Variants in AQP12A observed in about 807,000 individuals in gnomAD.
AQP12A encodes putative aquaporin-12A.
AQP12A carries 11 observed loss-of-function variants against 12.2 expected under a neutral mutation model. That is an observed-to-expected ratio of 0.90 (90% CI 0.57 to 1.49). AQP12A has a LOEUF of 1.49. AQP12A is among the 40% of genes most tolerant of loss of function. The pLI is 0.00. For synonymous variants in AQP12A, 101 were observed against 127.1 expected (o/e 0.79, Z 1.38); for missense variants, 203 against 260.8 (o/e 0.78, Z 1.53).
At chr2:240,693,091 C>T (rs1429569323) in intron 2 of AQP12A, among the ~76,000 whole-genome samples, 1 of 152,158 alleles carries the variant, frequency 6.6e-6, no homozygotes, top group Non-Finnish European at 1.5e-5. Context: ...CCCCTCCGAG[C>T]GCTAGGCTCC....
At position 240,691,867 on chromosome 2, in the gene AQP12A, T is replaced by C; in HGVS notation, c.-47T>C. On this transcript the variant is annotated 5_prime_UTR_variant, in exon 1 of 4. Transcript: ENST00000337801. ...TGGGAACCAGCCAGCTCCTGCTCTG[T>C]CCCCTCAGGTGTCCTGCAGGCACAG... 6.3e-7 allele frequency: 1 copy of C among 1,586,418 alleles called. No homozygotes were observed. The highest frequency in any genetic ancestry group is 8.6e-7 in the Non-Finnish European group (1 of 1,168,024).
In AQP12A at chr2:240,692,262, G is replaced by C. The variant is rs778829127; in HGVS notation, c.312G>C (p.Ala104=). The C allele has an allele frequency of 1.9e-6, 3 of 1,578,642 alleles. No homozygotes were observed. The highest frequency in any genetic ancestry group is 2.0e-4 in the Middle Eastern group (1 of 5,124). The change falls in exon 2 of 4, where the codon GCG becomes GCC. Residue 104 remains alanine, a synonymous_variant. Coordinates refer to ENST00000337801, the MANE Select transcript of AQP12A (RefSeq NM_198998.3). ...TGCCTGGCACGCTGTTGAAGCTGGC[G>C]GCACAGGGGCTGGGCATGCAGGCCG... ...QSLPGTLLKL[A]AQGLGMQAAC...
chr2:240,693,705 C>T (rs1468435393), intron 2 of AQP12A, among the ~76,000 whole-genome samples: 5 of 152,106 alleles, frequency 3.3e-5, no homozygotes, highest in South Asian at 4.2e-4. Flanking sequence ...GACAGCGGCC[C>T]GGCTGCCGCC....
At position 240,691,966 on chromosome 2, in the gene AQP12A, G is replaced by A. The variant is rs769132099; in HGVS notation, c.53G>A (p.Cys18Tyr). Reference protein sequence around the residue: ...LSFFFATFALCEAARRASKAL... With the variant: ...LSFFFATFALYEAARRASKAL... ...TTCTTCTTTGCCACCTTCGCCCTCT[G>A]TGAGGCGGCCAGGCGGGCCTCCAAG... Residue 18 changes from cysteine (C) to tyrosine (Y), a missense_variant, in exon 1 of 4, where the codon TGT becomes TAT. Cys to Tyr is a radical substitution (Grantham distance 194). Around this residue, in one of 2 missense-constraint regions of AQP12A, gnomAD observed 191 missense variants for 197.1 expected, o/e 0.97. Transcript: ENST00000337801. 1 of 1,589,744 alleles carries A rather than the reference G, an allele frequency of 6.3e-7. No homozygotes were observed. The highest frequency in any genetic ancestry group is 1.9e-5 in the Admixed American group (1 of 53,592).
chr2:240,693,913 C>T (rs1195210663), intron 2 of AQP12A, among the ~76,000 whole-genome samples: 122 of 42,712 alleles, frequency 2.9e-3, no homozygotes, highest in Middle Eastern at 0.014. Context: ...CTCTGTCTCT[C>T]CTCTCTCTCT....
Position 240,692,227 on chromosome 2 carries a change from G to C in AQP12A, c.277G>C (p.Glu93Gln), listed in dbSNP as rs200267757. 3 of 1,579,256 alleles carry C rather than the reference G, an allele frequency of 1.9e-6. No individual in the cohort carries two copies. In the Admixed American group the frequency reaches 5.7e-5, roughly 30 times the overall value. ...TVSLQEFLMA[E>Q]QSLPGTLLKL... ...GTCCCTGCAGGAGTTCCTCATGGCCGAGCAGTCTCTGCCTGGCACGCTGTT... is the reference window on the plus strand; with the variant it reads ...GTCCCTGCAGGAGTTCCTCATGGCCCAGCAGTCTCTGCCTGGCACGCTGTT... Residue 93 changes from glutamate (E) to glutamine (Q), a missense_variant, in exon 2 of 4, where the codon GAG (glutamate) becomes CAG (glutamine). By Grantham distance (29) the Glu-to-Gln change is conservative. Coordinates refer to ENST00000337801, the MANE Select transcript of AQP12A (RefSeq NM_198998.3).
rs1265691209 is a variant in AQP12A, at chr2:240,692,224, G to A, written c.274G>A (p.Ala92Thr). 7.0e-6 allele frequency: 11 copies of A among 1,579,424 alleles called. 2 individuals are homozygous for A. Among genetic ancestry groups the A allele is most frequent in the Non-Finnish European group, 9.4e-6 (11 of 1,167,654 alleles). ...TGTGTCCCTGCAGGAGTTCCTCATG[G>A]CCGAGCAGTCTCTGCCTGGCACGCT... is the stretch of plus-strand genomic sequence containing the variant. ...PTVSLQEFLM[A>T]EQSLPGTLLK... Residue 92 changes from alanine (A) to threonine (T), a missense_variant, in exon 2 of 4, where the codon GCC becomes ACC. Around this residue, in one of 2 missense-constraint regions of AQP12A, gnomAD observed 191 missense variants for 197.1 expected, o/e 0.97. Coordinates refer to ENST00000337801, the MANE Select transcript of AQP12A (RefSeq NM_198998.3).
chr2:240,694,150 T>C (rs2044097747), intron 2 of AQP12A, among the ~76,000 whole-genome samples: 1 of 75,370 alleles, frequency 1.3e-5, no homozygotes, highest in South Asian at 6.3e-4. Context: ...GAGGGCAGCA[T>C]GGGCGGGGCA....
chr2:240,692,140 C>T lies in AQP12A; in HGVS notation c.190C>T (p.Leu64Phe), dbSNP rs1171849254. The T allele has an allele frequency of 4.4e-6, 7 of 1,583,314 alleles. 2 individuals are homozygous for T. In the South Asian group the frequency reaches 6.8e-5, roughly 15 times the overall value. ...DFGPDLLLTLLFLLFLAHGVT... is the reference protein window; with the variant it reads ...DFGPDLLLTLFFLLFLAHGVT... The stretch of plus-strand genomic sequence containing the variant: ...TGGGCCTGACCTGCTGCTCACCCTG[C>T]TCTTCCTGCTCTTCCTGGCGCACGG... Residue 64 changes from leucine to phenylalanine, a missense_variant, in exon 2 of 4, where the codon CTC (leucine) becomes TTC (phenylalanine). Around this residue, in one of 2 missense-constraint regions of AQP12A, gnomAD observed 191 missense variants for 197.1 expected, o/e 0.97. Transcript: ENST00000337801.
At chr2:240,692,887 C>T (rs1461618535) in intron 2 of AQP12A, among the ~76,000 whole-genome samples, 1,531 of 145,290 alleles carry the variant, frequency 0.011, no homozygotes, top group African/African-American at 0.04. Flanking sequence ...CACCCTCTAT[C>T]ACCCCTTCCA....
rs183808728 is a variant in AQP12A at position 240,691,976 on chromosome 2, C to T, written c.63C>T (p.Ala21=). The part of the protein sequence containing the change: ...FFATFALCEA[A]RRASKALLPV... ...CCACCTTCGCCCTCTGTGAGGCGGC[C>T]AGGCGGGCCTCCAAGGCCCTGCTCC... Residue 21 remains alanine, a synonymous_variant, in exon 1 of 4, where the codon GCC becomes GCT. Transcript: ENST00000337801. 1,180 of 1,588,716 alleles carry T rather than the reference C, an allele frequency of 7.4e-4. 239 individuals are homozygous for T. The East Asian group carries it at 0.027, about 37-fold the overall frequency.
chr2:240,692,046 G>A lies in AQP12A; in HGVS notation c.123+10G>A. The A allele has an allele frequency of 1.3e-6, 2 of 1,565,734 alleles. No individual in the cohort carries two copies. The highest frequency in any genetic ancestry group is 1.7e-6 in the Non-Finnish European group (2 of 1,162,596). ...CTTCGCCCGGGAGGCGGTGGGTGCG[G>A]GTGCAGCTCGGGCCCTGCTGCCTGG... On this transcript the variant is annotated intron_variant, in intron 1 of 3. Transcript: ENST00000337801.
In AQP12A at chr2:240,692,122, G is replaced by C; in HGVS notation, c.172G>C (p.Asp58His). 6.3e-7 allele frequency: 1 copy of C among 1,583,768 alleles called. No individual in the cohort carries two copies. The change falls in exon 2 of 4, where the codon GAC (aspartate) becomes CAC (histidine). Residue 58 changes from aspartate (D) to histidine (H), a missense_variant. Physicochemically the swap from Asp to His is moderately conservative, Grantham distance 81. Transcript: ENST00000337801. ...GCCCTGGGCTGGGGACTTTGGGCCT[G>C]ACCTGCTGCTCACCCTGCTCTTCCT... Reference protein sequence around the residue: ...LGPWAGDFGPDLLLTLLFLLF... With the variant: ...LGPWAGDFGPHLLLTLLFLLF...
chr2:240,692,966 G>A (rs75216241), intron 2 of AQP12A, among the ~76,000 whole-genome samples: 20,125 of 150,584 alleles, frequency 0.13, 1,171 homozygotes, highest in Admixed American at 0.25. Context: ...TGCATCCTGC[G>A]ATCTCTGCCT....
At chr2:240,693,869 TC>T (rs2044094970) in intron 2 of AQP12A, among the ~76,000 whole-genome samples, 2 of 84,346 alleles carry the variant, frequency 2.4e-5, no homozygotes, top group African/African-American at 7.2e-5. Flanking sequence ...CCTCTCTCTC[TC>T]TGTCTCTCCT....
At position 240,692,648 on chromosome 2, in the gene AQP12A, G is replaced by A. The variant is rs1177295326; in HGVS notation, c.571+127G>A. On this transcript the variant is annotated intron_variant, in intron 2 of 3. Coordinates refer to ENST00000337801, the MANE Select transcript of AQP12A (RefSeq NM_198998.3). ...GCCCGGGTGGCCAACAAACCCACAAGAAGAGGCGGTGATTTCCTGGGATCT... is the reference window on the plus strand; with the variant it reads ...GCCCGGGTGGCCAACAAACCCACAAAAAGAGGCGGTGATTTCCTGGGATCT... The A allele has an allele frequency of 5.0e-6, 3 of 604,876 alleles. No individual in the cohort carries two copies. In the South Asian group the frequency reaches 6.2e-5, roughly 13 times the overall value. The allele number at this position is 604,876 out of a possible 1,614,324, so 37.5% of individuals were successfully genotyped here.
chr2:240,693,619 T>G (rs1256847852), intron 2 of AQP12A, among the ~76,000 whole-genome samples: 2 of 151,500 alleles, frequency 1.3e-5, no homozygotes, highest in African/African-American at 4.8e-5. Flanking sequence ...CTCCCTGCTC[T>G]TCCGTGCCCA....
At position 240,691,958 on chromosome 2, in the gene AQP12A, C is replaced by T. The variant is rs142830324; in HGVS notation, c.45C>T (p.Phe15=). ...NVSLSFFFAT[F]ALCEAARRAS... is the part of the protein sequence containing the mutation. ...CCCTCTCCTTCTTCTTTGCCACCTTCGCCCTCTGTGAGGCGGCCAGGCGGG... is the reference window on the plus strand; with the variant it reads ...CCCTCTCCTTCTTCTTTGCCACCTTTGCCCTCTGTGAGGCGGCCAGGCGGG... The change falls in exon 1 of 4, where the codon TTC becomes TTT. Residue 15 remains phenylalanine (F), a synonymous_variant. Coordinates refer to ENST00000337801, the MANE Select transcript of AQP12A (RefSeq NM_198998.3). 183 of 1,596,614 alleles carry T rather than the reference C, an allele frequency of 1.1e-4. 5 individuals carry two copies. The highest frequency in any genetic ancestry group is 3.3e-4 in the Middle Eastern group (2 of 5,976).
At chr2:240,693,354 G>T (rs1162590823) in intron 2 of AQP12A, among the ~76,000 whole-genome samples, 1 of 152,302 alleles carries the variant, frequency 6.6e-6, no homozygotes, top group Non-Finnish European at 1.5e-5. Context: ...CCACAGGAAG[G>T]TGCCACCAGA....
Sources: allele counts gnomAD v4.1 joint callset (sites outside exome capture counted in the v4.1 genomes callset), GRCh38; gene constraint gnomAD v4.1.1; regional missense constraint gnomAD v4.1.1; transcripts MANE v1.5; gene names NCBI Gene and HGNC (gene_info 2026-07-23, HGNC 2026-07-21).